Variants in ADCK2 observed in about 807,000 individuals in gnomAD.
The protein encoded by ADCK2 is aarF domain containing kinase 2, also known as uncharacterized aarF domain-containing protein kinase 2.
Under a neutral mutation model 52.3 loss-of-function variants are expected in ADCK2, and 37 were observed. The observed-to-expected ratio is 0.71, with a 90% CI of 0.54 to 0.93. ADCK2 has a LOEUF of 0.93. ADCK2 is among the 40% of genes least tolerant of loss of function. ADCK2 has a pLI of 0.00. For synonymous variants in ADCK2, 321 were observed against 349.2 expected (o/e 0.92, Z 0.90); for missense variants, 695 against 798.7 (o/e 0.87, Z 1.56).
chr7:140,678,817 C>A lies in ADCK2; in HGVS notation c.1081-338C>A, dbSNP rs1794467049. On this transcript the variant is annotated intron_variant, in intron 2 of 7. Transcript: ENST00000072869. The surrounding 1 kb of genome is among the most constrained non-coding windows in gnomAD (Gnocchi z 4.9). ...ATGGAAAGAGAGGGCTGGGGGCTGGCCTGGAGAAGCCAGACCCCAGGGAGA... is the reference window on the plus strand; with the variant it reads ...ATGGAAAGAGAGGGCTGGGGGCTGGACTGGAGAAGCCAGACCCCAGGGAGA... 6.6e-6 allele frequency among the ~76,000 whole-genome samples: 1 copy of A among 152,254 alleles called. No homozygotes were observed. The highest frequency in any genetic ancestry group is 1.5e-5 in the Non-Finnish European group (1 of 68,028).
chr7:140,678,859 G>A lies in ADCK2; in HGVS notation c.1081-296G>A, dbSNP rs1794467854. ...CCAGGGAGACGGGGAAGGGACTCAT[G>A]GGCTGGTGTGAGGCAGGCGGGTGGC... On this transcript the variant is annotated intron_variant, in intron 2 of 7. Coordinates refer to ENST00000072869, the MANE Select transcript of ADCK2 (RefSeq NM_052853.4). The surrounding 1 kb of genome is among the most constrained non-coding windows in gnomAD (Gnocchi z 4.9). 6.6e-6 allele frequency among the ~76,000 whole-genome samples: 1 copy of A among 152,210 alleles called. No individual in the cohort carries two copies. The highest frequency in any genetic ancestry group is 1.5e-5 in the Non-Finnish European group (1 of 68,034).
In ADCK2 at chr7:140,695,094, A is replaced by G; in HGVS notation, c.*291A>G. The G allele has an allele frequency of 1.7e-6, 2 of 1,149,778 alleles. No homozygotes were observed. The highest frequency in any genetic ancestry group is 7.6e-5 in the South Asian group (2 of 26,476). The allele number at this position is 1,149,778 out of a possible 1,614,324, so 71.2% of individuals were successfully genotyped here. On this transcript the variant is annotated 3_prime_UTR_variant, in exon 8 of 8. Coordinates refer to ENST00000072869, the MANE Select transcript of ADCK2 (RefSeq NM_052853.4). ...AATGTTATGTGGAGGAGGACGAATA[A>G]ATTTATTTTGTTTTCCTGTTTTTCT...
intron 7 of ADCK2, among the ~76,000 whole-genome samples, chr7:140,692,245 T>G (rs896934571): frequency 1.3e-5 from 2 of 152,170 alleles, no homozygotes; most frequent in Non-Finnish European, 2.9e-5. Flanking sequence ...GTTTCCATGA[T>G]TTTGGCTACT....
In ADCK2 at chr7:140,693,551, T is replaced by C. The variant is rs1585857366; in HGVS notation, c.1741-1112T>C. Among the ~76,000 whole-genome samples the C allele has an allele frequency of 2.0e-5, 3 of 152,346 alleles. No individual in the cohort carries two copies. The highest frequency in any genetic ancestry group is 7.2e-5 in the African/African-American group (3 of 41,574). ...CACTCAGTGGCCTTGAGCAAGTCAT[T>C]GAACCTCTCTGAGCCACAGCTTCTT... On this transcript the variant is annotated intron_variant, in intron 7 of 7. Transcript: ENST00000072869. The surrounding 1 kb of genome is among the most constrained non-coding windows in gnomAD (Gnocchi z 4.0).
chr7:140,684,719 G>A lies in ADCK2; in HGVS notation c.1306-2271G>A, dbSNP rs112035375. Among the ~76,000 whole-genome samples the A allele has an allele frequency of 5.2e-3, 786 of 152,296 alleles. 10 individuals are homozygous for A. The highest frequency in any genetic ancestry group is 0.018 in the African/African-American group (746 of 41,544). ...TGACAGCACGCACGCACATGCGGAAGGCTGAGAGCCGTTGTGGGGGTGGGC... is the reference window on the plus strand; with the variant it reads ...TGACAGCACGCACGCACATGCGGAAAGCTGAGAGCCGTTGTGGGGGTGGGC... On this transcript the variant is annotated intron_variant, in intron 4 of 7. Coordinates refer to ENST00000072869, the MANE Select transcript of ADCK2 (RefSeq NM_052853.4).
At chr7:140,690,683 A>AGGCT in intron 6 of ADCK2, 77 bp from the exon 7 acceptor site, 1 of 1,331,554 alleles carries the variant, frequency 7.5e-7, no homozygotes, top group Non-Finnish European at 1.0e-6. Context: ...GCTGGGGCTG[A>AGGCT]GAGTGTGGGG....
chr7:140,689,199 C>T (rs1794660644), intron 5 of ADCK2, among the ~76,000 whole-genome samples: 1 of 152,060 alleles, frequency 6.6e-6, no homozygotes, highest in Non-Finnish European at 1.5e-5. Flanking sequence ...AACTCCTGAT[C>T]TCAGGTGATC....
chr7:140,680,183 T>G (rs969046507), intron 3 of ADCK2, among the ~76,000 whole-genome samples: 1 of 152,066 alleles, frequency 6.6e-6, no homozygotes, highest in Non-Finnish European at 1.5e-5. Flanking sequence ...TCTTGCTCTG[T>G]TGCCCAGGCT....
chr7:140,679,151 G>A lies in ADCK2; in HGVS notation c.1081-4G>A, dbSNP rs1374619347. 10 of 1,613,986 alleles carry A rather than the reference G, an allele frequency of 6.2e-6. No homozygotes were observed. Among genetic ancestry groups the A allele is most frequent in the Non-Finnish European group, 5.9e-6 (7 of 1,179,934 alleles). ...CCTCATCCTTTCTGTCCATTTCTCTGTAGATTGACCTGCGTTACGAAGCTC... is the reference window on the plus strand; with the variant it reads ...CCTCATCCTTTCTGTCCATTTCTCTATAGATTGACCTGCGTTACGAAGCTC... On this transcript the variant is annotated splice_region_variant and splice_polypyrimidine_tract_variant and intron_variant, in intron 2 of 7. Transcript: ENST00000072869.
chr7:140,685,249 G>A (rs2130787266), intron 4 of ADCK2, among the ~76,000 whole-genome samples: 1 of 152,068 alleles, frequency 6.6e-6, no homozygotes, highest in East Asian at 1.9e-4. Flanking sequence ...AGGAGTCTGA[G>A]ACTAGCCTGG....
chr7:140,673,650 T>G lies in ADCK2; in HGVS notation c.320T>G (p.Leu107Trp). Residue 107 changes from leucine to tryptophan, a missense_variant, in exon 1 of 8, where the codon TTG becomes TGG. Physicochemically the swap from Leu to Trp is moderately conservative, Grantham distance 61 (BLOSUM62 -2). Transcript: ENST00000072869. This position sits in a 1 kb window ranked among gnomAD's most constrained non-coding sequence, Gnocchi z 6.4. ...LRLWLRAGAL[L>W]VKFFPLLLLY... Reference sequence around the variant, plus strand: ...CTCTGGCTTCGCGCCGGCGCTCTGTTGGTGAAATTCTTCCCCCTCCTACTC... The same window carrying G: ...CTCTGGCTTCGCGCCGGCGCTCTGTGGGTGAAATTCTTCCCCCTCCTACTC... The G allele has an allele frequency of 6.2e-7, 1 of 1,610,690 alleles. No individual in the cohort carries two copies. Among genetic ancestry groups the G allele is most frequent in the Non-Finnish European group, 8.5e-7 (1 of 1,179,934 alleles).
At chr7:140,689,779 CA>C (rs2130791428) in intron 6 of ADCK2, 54 bp downstream of exon 6, 1 of 1,532,412 alleles carries the variant, frequency 6.5e-7, no homozygotes, top group East Asian at 2.3e-5. Context: ...TGGCCTGGGG[CA>C]GAGCAGATCC....
At chr7:140,694,010 G>A (rs1163994829) in intron 7 of ADCK2, among the ~76,000 whole-genome samples, 1 of 152,178 alleles carries the variant, frequency 6.6e-6, no homozygotes, top group Admixed American at 6.5e-5. Context: ...CGCCCGGCCT[G>A]TGTGTTGTCT....
At chr7:140,686,024 T>C (rs1332196116) in intron 4 of ADCK2, among the ~76,000 whole-genome samples, 4 of 152,196 alleles carry the variant, frequency 2.6e-5, no homozygotes, top group African/African-American at 9.6e-5. Flanking sequence ...TCTGTGTGCA[T>C]GTGGCTGCTA....
At chr7:140,675,811 G>A (rs557419182) in intron 2 of ADCK2, among the ~76,000 whole-genome samples, 5 of 152,266 alleles carry the variant, frequency 3.3e-5, no homozygotes, top group African/African-American at 1.2e-4. Context: ...TGATTCCAGG[G>A]CAATTGAGTC....
chr7:140,674,246 A>G lies in ADCK2; in HGVS notation c.916A>G (p.Ile306Val). 1 of 1,612,356 alleles carries G rather than the reference A, an allele frequency of 6.2e-7. No individual in the cohort carries two copies. Among genetic ancestry groups the G allele is most frequent in the Non-Finnish European group, 8.5e-7 (1 of 1,179,014 alleles). ...PGHQPEATNL[I>V]SVAVKVLHPG... ...CCACCAACCTGAGGCCACCAACCTC[A>G]TCTCCGTGGCAGTGAAAGTAAGTGT... Residue 306 changes from isoleucine (I) to valine (V), a missense_variant, in exon 1 of 8, where the codon ATC becomes GTC. Transcript: ENST00000072869. The surrounding 1 kb of genome is among the most constrained non-coding windows in gnomAD (Gnocchi z 4.6).
intron 7 of ADCK2, among the ~76,000 whole-genome samples, chr7:140,692,092 C>T (rs1794718060): frequency 6.6e-6 from 1 of 152,170 alleles, no homozygotes; most frequent in Admixed American, 6.5e-5. Flanking sequence ...TTTAACCCCC[C>T]AACCCTCTCC....
rs562788972 is a variant in ADCK2 at position 140,692,984 on chromosome 7, C to T, written c.1741-1679C>T. 2.6e-5 allele frequency among the ~76,000 whole-genome samples: 4 copies of T among 152,262 alleles called. No individual in the cohort carries two copies. The East Asian group carries it at 7.7e-4, about 29-fold the overall frequency. ...GTCGTTTCTCTCATCCTCACCAACA[C>T]TTGTCATTTTCTGTTTTGTTTTTAG... On this transcript the variant is annotated intron_variant, in intron 7 of 7. Transcript: ENST00000072869.
chr7:140,682,531 T>C (rs575419170), intron 4 of ADCK2, among the ~76,000 whole-genome samples: 135 of 152,176 alleles, frequency 8.9e-4, no homozygotes, highest in Non-Finnish European at 1.6e-3. Flanking sequence ...AGTAAATCTG[T>C]GAAAGAGTTT....
Sources: gnomAD v4.1 joint callset for allele counts (sites outside exome capture counted in the v4.1 genomes callset) on GRCh38, gnomAD v4.1.1 for gene constraint, Gnocchi (gnomAD v3.1) non-coding constraint, MANE v1.5 for transcripts, NCBI Gene and HGNC (gene_info 2026-07-23, HGNC 2026-07-21) for gene names.